The following EHHADH variants were observed in gnomAD, a reference collection of about 807,000 sequenced individuals.
The protein encoded by EHHADH is enoyl-CoA hydratase and 3-hydroxyacyl CoA dehydrogenase.
In EHHADH, 48 loss-of-function variants were observed where a neutral mutation model predicts 64.4. That is an observed-to-expected ratio of 0.75 (90% CI 0.59 to 0.95). EHHADH has a LOEUF of 0.95. Ranked by LOEUF, EHHADH falls within the 40% of genes least tolerant of loss-of-function variation. EHHADH has a pLI of 0.00. For missense variants in EHHADH, 854 were observed against 876.6 expected (o/e 0.97, Z 0.33); for synonymous variants, 308 against 326.7 (o/e 0.94, Z 0.62).
chr3:185,192,097 G>A lies in EHHADH; in HGVS notation c.*129C>T. The A allele has an allele frequency of 9.0e-7, 1 of 1,107,998 alleles. No homozygotes were observed. The highest frequency in any genetic ancestry group is 1.3e-6 in the Non-Finnish European group (1 of 778,402). The allele number at this position is 1,107,998 out of a possible 1,614,324, so 68.6% of individuals were successfully genotyped here. ...TGACCATTAGAGTCGTTACACAGAAGATTCTAATGATTATTTATTTTGCTT... is the reference window on the plus strand; with the variant it reads ...TGACCATTAGAGTCGTTACACAGAAAATTCTAATGATTATTTATTTTGCTT... On this transcript the variant is annotated 3_prime_UTR_variant, in exon 7 of 7. Transcript: ENST00000231887.
At chr3:185,220,215 A>T (rs1024172505) in intron 4 of EHHADH, among the ~76,000 whole-genome samples, 27 of 152,222 alleles carry the variant, frequency 1.8e-4, no homozygotes, top group African/African-American at 6.5e-4. Context: ...CTTGGATTTC[A>T]CAAAATTGGA....
rs547852458 is a variant in EHHADH at position 185,238,159 on chromosome 3, T to C, written c.179-2697A>G. 2.6e-5 allele frequency among the ~76,000 whole-genome samples: 4 copies of C among 152,328 alleles called. No individual in the cohort carries two copies. The South Asian group carries it at 8.3e-4, about 32-fold the overall frequency. On this transcript the variant is annotated intron_variant, in intron 2 of 6. Transcript: ENST00000231887. ...ATGGTTTTCTTTATCTAATCAACCATTGATAGACCCTTAGGTTGATTCCAT... is the reference window on the plus strand; with the variant it reads ...ATGGTTTTCTTTATCTAATCAACCACTGATAGACCCTTAGGTTGATTCCAT...
In EHHADH at chr3:185,222,171, G is replaced by A. The variant is rs1054263797; in HGVS notation, c.464-3931C>T. ...AAGGCAGGAGGATCACCTGAGGTCA[G>A]GAGTTTGAGACCAGCCTGGCCAACA... is the stretch of plus-strand genomic sequence containing the variant. On this transcript the variant is annotated intron_variant, in intron 4 of 6. Coordinates refer to ENST00000231887, the MANE Select transcript of EHHADH (RefSeq NM_001966.4). Among the ~76,000 whole-genome samples the A allele has an allele frequency of 3.0e-4, 45 of 152,028 alleles. 2 individuals are homozygous for A.
At chr3:185,246,384 T>C (rs537902948) in intron 2 of EHHADH, 636 of 636,320 alleles carry the variant, frequency 1.0e-3, no homozygotes, top group Non-Finnish European at 1.2e-3. Context: ...AAAAGGCTTC[T>C]TCTTCTTCTT....
chr3:185,207,512 T>C (rs1417934206), intron 5 of EHHADH, among the ~76,000 whole-genome samples: 1 of 152,196 alleles, frequency 6.6e-6, no homozygotes, highest in Non-Finnish European at 1.5e-5. Flanking sequence ...AACTAAAGAA[T>C]GCAGTGTTCT....
chr3:185,235,969 T>C (rs1456115831), intron 2 of EHHADH, among the ~76,000 whole-genome samples: 2 of 152,208 alleles, frequency 1.3e-5, no homozygotes, highest in African/African-American at 4.8e-5. Context: ...TTATGAGTTA[T>C]ATGTTAATCA....
rs190537144 is a variant in EHHADH, at chr3:185,246,498, G to A, written c.178+1916C>T. On this transcript the variant is annotated intron_variant, in intron 2 of 6. Coordinates refer to ENST00000231887, the MANE Select transcript of EHHADH (RefSeq NM_001966.4). Reference sequence around the variant, plus strand: ...GGAAGTCAGACAGGTCAGCCCCCAGGCCCCGTGGCAGCGCTGCTCCTGCTG... The same window carrying A: ...GGAAGTCAGACAGGTCAGCCCCCAGACCCCGTGGCAGCGCTGCTCCTGCTG... The A allele has an allele frequency of 1.5e-4, 49 of 324,418 alleles. 1 individual carries two copies. In the East Asian group the frequency reaches 4.2e-3, roughly 28 times the overall value. 20.1% of individuals were successfully genotyped at this position (324,418 alleles called of 1,614,324 possible). A position where few individuals can be genotyped will look rare whatever the true frequency, so the allele number is the denominator to read the frequency against.
Position 185,204,442 on chromosome 3 carries a change from C to G in EHHADH, c.884G>C (p.Arg295Pro), listed in dbSNP as rs1467126130. 2 of 1,611,028 alleles carry G rather than the reference C, an allele frequency of 1.2e-6. No homozygotes were observed. The highest frequency in any genetic ancestry group is 4.5e-5 in the East Asian group (2 of 44,854). ...SGASWKTASA[R>P]PVSSVGVVGL... is the part of the protein sequence containing the mutation. ...AACAACACCAACTGAGGAGACAGGCCGCGCTGATGCTGTTTTCCACGATGC... is the reference window on the plus strand; with the variant it reads ...AACAACACCAACTGAGGAGACAGGCGGCGCTGATGCTGTTTTCCACGATGC... The change falls in exon 6 of 7, where the codon CGG becomes CCG. Residue 295 changes from arginine (R) to proline (P), a missense_variant. Arg to Pro is a moderately radical substitution (Grantham distance 103). Coordinates refer to ENST00000231887, the MANE Select transcript of EHHADH (RefSeq NM_001966.4).
At chr3:185,229,092 G>GCA (rs1719083418) in intron 4 of EHHADH, among the ~76,000 whole-genome samples, 2 of 151,948 alleles carry the variant, frequency 1.3e-5, no homozygotes, top group African/African-American at 4.8e-5. Context: ...CACTGCGTGC[G>GCA]GCCTATATTA....
At chr3:185,226,063 T>A (rs960963791) in intron 4 of EHHADH, among the ~76,000 whole-genome samples, 1 of 152,192 alleles carries the variant, frequency 6.6e-6, no homozygotes, top group Non-Finnish European at 1.5e-5. Flanking sequence ...CATACAGTTG[T>A]GGTGGCTAGT....
intron 5 of EHHADH, among the ~76,000 whole-genome samples, chr3:185,215,054 G>A (rs891998030): frequency 1.3e-5 from 2 of 152,068 alleles, no homozygotes; most frequent in Non-Finnish European, 1.5e-5. Context: ...CAGTCTCACC[G>A]TATTTGTTCC....
At chr3:185,243,189 G>A (rs181420280) in intron 2 of EHHADH, among the ~76,000 whole-genome samples, 11 of 152,344 alleles carry the variant, frequency 7.2e-5, no homozygotes, top group Admixed American at 1.3e-4. Flanking sequence ...CATTTCCGCA[G>A]TTTGGGCACT....
In EHHADH at chr3:185,235,471, A is replaced by C. The variant is rs1284862293; in HGVS notation, c.179-9T>G. The C allele has an allele frequency of 4.4e-6, 7 of 1,598,334 alleles. No individual in the cohort carries two copies. The highest frequency in any genetic ancestry group is 6.0e-6 in the Non-Finnish European group (7 of 1,172,036). On this transcript the variant is annotated splice_polypyrimidine_tract_variant and intron_variant, in intron 2 of 6. Coordinates refer to ENST00000231887, the MANE Select transcript of EHHADH (RefSeq NM_001966.4). ...GCCACGAATATCAGCACCTAAGGGC[A>C]CAAAGACAAGGAGAAAACAGAGTTG...
At chr3:185,230,350 C>T (rs543542936) in intron 3 of EHHADH, among the ~76,000 whole-genome samples, 3 of 152,216 alleles carry the variant, frequency 2.0e-5, no homozygotes, top group Middle Eastern at 3.4e-3. Flanking sequence ...AACATATGCC[C>T]ACAAAAATCC....
chr3:185,244,213 C>G (rs1317398917), intron 2 of EHHADH, among the ~76,000 whole-genome samples: 1 of 152,108 alleles, frequency 6.6e-6, no homozygotes, highest in Non-Finnish European at 1.5e-5. Flanking sequence ...TCTTTTTCCA[C>G]TCCATTGAGT....
rs1719259642 is a variant in EHHADH, at chr3:185,235,319, C to G, written c.322G>C (p.Gly108Arg). The stretch of plus-strand genomic sequence containing the variant: ...GCGTGGGCAATCCTATAGTGACAGC[C>G]CAGGGCCAGCTCTAGTCCCCCTCCG... ...AFGGGLELAL[G>R]CHYRIAHAEA... Residue 108 changes from glycine to arginine, a missense_variant, in exon 3 of 7, where the codon GGC (glycine) becomes CGC (arginine). Physicochemically the swap from Gly to Arg is moderately radical, Grantham distance 125. Transcript: ENST00000231887. 1.9e-6 allele frequency: 3 copies of G among 1,613,472 alleles called. No individual in the cohort carries two copies. The African/African-American group carries it at 4.0e-5, about 22-fold the overall frequency.
rs148288590 is a variant in EHHADH at position 185,192,325 on chromosome 3, T to C, written c.2073A>G (p.Gln691=). 30 of 1,614,042 alleles carry C rather than the reference T, an allele frequency of 1.9e-5. No individual in the cohort carries two copies. Among genetic ancestry groups the C allele is most frequent in the Non-Finnish European group, 2.3e-5 (27 of 1,180,046 alleles). The change falls in exon 7 of 7, where the codon CAA becomes CAG. Residue 691 remains glutamine (Q), a synonymous_variant. Transcript: ENST00000231887. The part of the protein sequence containing the change: ...KYYRQNPDIP[Q]LEPSDYLKKL... ...TTTTTAGATAGTCACTTGGCTCCAG[T>C]TGGGGAATATCAGGGTTCTGCCTGT...
At chr3:185,209,771 T>C (rs1718489328) in intron 5 of EHHADH, among the ~76,000 whole-genome samples, 1 of 152,328 alleles carries the variant, frequency 6.6e-6, no homozygotes, top group East Asian at 1.9e-4. Context: ...TTGGAAAGAA[T>C]GAGTTTCTGA....
intron 2 of EHHADH, chr3:185,248,059 G>T (rs1229657770): frequency 5.4e-6 from 1 of 186,898 alleles, no homozygotes; most frequent in Admixed American, 6.0e-5. Context: ...AGATATTATT[G>T]TTCCCACTTT....
Sources: allele counts gnomAD v4.1 joint callset (sites outside exome capture counted in the v4.1 genomes callset), GRCh38; gene constraint gnomAD v4.1.1; transcripts MANE v1.5; gene names NCBI Gene and HGNC (gene_info 2026-07-23, HGNC 2026-07-21).